The following TAF4B variants were observed in gnomAD, a reference collection of about 807,000 sequenced individuals.
TAF4B encodes TATA-box binding protein associated factor 4b.
Under a neutral mutation model 86.4 loss-of-function variants are expected in TAF4B, and 38 were observed. The ratio of observed to expected loss-of-function variants is 0.44; its 90% confidence interval spans 0.34 to 0.58. TAF4B has a LOEUF of 0.58. Among genes scored for constraint, TAF4B ranks in the 20% least tolerant of loss-of-function variants. TAF4B has a pLI of 0.02. For missense variants in TAF4B, 988 were observed against 1,027.6 expected (o/e 0.96, Z 0.53); for synonymous variants, 388 against 391.2 (o/e 0.99, Z 0.10).
intron 9 of TAF4B, among the ~76,000 whole-genome samples, chr18:26,299,140 C>G (rs1016845378): frequency 3.3e-5 from 5 of 151,864 alleles, no homozygotes; most frequent in African/African-American, 1.2e-4. Flanking sequence ...GGATTACAGG[C>G]GTGAGCCACC....
At chr18:26,383,503 A>G (rs1978303146) in intron 14 of TAF4B, among the ~76,000 whole-genome samples, 2 of 152,230 alleles carry the variant, frequency 1.3e-5, no homozygotes, top group Non-Finnish European at 2.9e-5. Flanking sequence ...TGATAGTTTG[A>G]AACATGTAGA....
intron 13 of TAF4B, among the ~76,000 whole-genome samples, chr18:26,344,800 G>A (rs2057163294): frequency 8.3e-6 from 1 of 120,240 alleles, no homozygotes; most frequent in Non-Finnish European, 1.8e-5. Context: ...TAGAATGTCA[G>A]AGAGAGCGCT....
In TAF4B at chr18:26,337,883, G is replaced by A. The variant is rs1764372114; in HGVS notation, c.2316+2652G>A. On this transcript the variant is annotated intron_variant, in intron 13 of 14. Coordinates refer to ENST00000269142, the MANE Select transcript of TAF4B (RefSeq NM_005640.3). ...TGAGAAGTTTTCTTTGTTCACTCATGAATTTTTTATTTAGCACAGATGCCT... is the reference window on the plus strand; with the variant it reads ...TGAGAAGTTTTCTTTGTTCACTCATAAATTTTTTATTTAGCACAGATGCCT... Among the ~76,000 whole-genome samples the A allele has an allele frequency of 2.6e-5, 4 of 152,262 alleles. No homozygotes were observed. In the South Asian group the frequency reaches 6.2e-4, roughly 24 times the overall value.
At chr18:26,375,934 T>C (rs186006460) in intron 14 of TAF4B, among the ~76,000 whole-genome samples, 176 of 152,258 alleles carry the variant, frequency 1.2e-3, no homozygotes, top group Non-Finnish European at 1.9e-3. Context: ...GCTATCCAGT[T>C]GTCCAGGCAT....
intron 1 of TAF4B, among the ~76,000 whole-genome samples, chr18:26,246,772 A>T (rs1317487458): frequency 6.6e-6 from 1 of 151,990 alleles, no homozygotes; most frequent in Non-Finnish European, 1.5e-5. Flanking sequence ...ACCTCAGGTG[A>T]TCTGCTGGCC....
chr18:26,281,977 A>G lies in TAF4B; in HGVS notation c.889A>G (p.Lys297Glu), dbSNP rs750800396. 1.2e-6 allele frequency: 2 copies of G among 1,612,466 alleles called. No individual in the cohort carries two copies. Among genetic ancestry groups the G allele is most frequent in the South Asian group, 2.2e-5 (2 of 90,800 alleles). ...TATTTCTCCCATCCCTCAGGATGCA[A>G]AAATCGAAGCAGAAGAATTTACTAG... ...KKLVEQLLDA[K>E]IEAEEFTRKL... is the part of the protein sequence containing the mutation. Residue 297 changes from lysine (K) to glutamate (E), a missense_variant, in exon 6 of 15, where the codon AAA (lysine) becomes GAA (glutamate). By Grantham distance (56) the Lys-to-Glu change is moderately conservative. Transcript: ENST00000269142.
chr18:26,260,198 T>A (rs1254407432), intron 1 of TAF4B, among the ~76,000 whole-genome samples: 1 of 152,178 alleles, frequency 6.6e-6, no homozygotes, highest in Non-Finnish European at 1.5e-5. Flanking sequence ...GTCAGATGGG[T>A]AGATTGCAAA....
chr18:26,286,479 G>A lies in TAF4B; in HGVS notation c.1570G>A (p.Ala524Thr). 3 of 1,610,700 alleles carry A rather than the reference G, an allele frequency of 1.9e-6. No homozygotes were observed. The highest frequency in any genetic ancestry group is 1.1e-5 in the South Asian group (1 of 90,196). Residue 524 changes from alanine (A) to threonine (T), a missense_variant, in exon 7 of 15, where the codon GCA (alanine) becomes ACA (threonine). By Grantham distance (58) the Ala-to-Thr change is moderately conservative. Transcript: ENST00000269142. The part of the protein sequence containing the change: ...VLSQPAGIPQ[A>T]VQVKQLVVQQ... Reference sequence around the variant, plus strand: ...TTCACAACCAGCTGGGATTCCACAGGCAGTTCAAGTCAAGCAACTAGTGAG... The same window carrying A: ...TTCACAACCAGCTGGGATTCCACAGACAGTTCAAGTCAAGCAACTAGTGAG...
rs1568125568 is a variant in TAF4B, at chr18:26,281,947, GTTTCTA to G, written c.883-18_883-13del. 5 of 1,542,246 alleles carry G rather than the reference GTTTCTA, an allele frequency of 3.2e-6. No homozygotes were observed. In the Admixed American group the frequency reaches 8.6e-5, roughly 27 times the overall value. The stretch of plus-strand genomic sequence containing the variant: ...TTAAAAGATTTGTAGACTTAAAATT[GTTTCTA>G]TTTCTCCCATCCCTCAGGATGCAAA... On this transcript the variant is annotated intron_variant, in intron 5 of 14. Coordinates refer to ENST00000269142, the MANE Select transcript of TAF4B (RefSeq NM_005640.3).
intron 1 of TAF4B, among the ~76,000 whole-genome samples, chr18:26,246,097 T>G (rs1299501335): frequency 6.6e-6 from 1 of 152,232 alleles, no homozygotes; most frequent in Non-Finnish European, 1.5e-5. Context: ...ATCAACAGTA[T>G]TAATACTTAA....
At chr18:26,325,622 C>T (rs894082138) in intron 11 of TAF4B, among the ~76,000 whole-genome samples, 2 of 152,056 alleles carry the variant, frequency 1.3e-5, no homozygotes, top group African/African-American at 4.8e-5. Flanking sequence ...AAGTCTGTGA[C>T]CCTTTTTAAT....
chr18:26,319,927 A>T (rs1056697497), intron 10 of TAF4B, among the ~76,000 whole-genome samples: 1 of 152,202 alleles, frequency 6.6e-6, no homozygotes, highest in Admixed American at 6.5e-5. Context: ...TTGACTTTGT[A>T]GAATTTTTTT....
chr18:26,305,930 C>T lies in TAF4B; in HGVS notation c.1833-9299C>T, dbSNP rs148677184. Among the ~76,000 whole-genome samples, 1,424 of 152,150 alleles carry T rather than the reference C, an allele frequency of 9.4e-3. 15 individuals carry two copies. Among genetic ancestry groups the T allele is most frequent in the South Asian group, 0.027 (132 of 4,824 alleles). On this transcript the variant is annotated intron_variant, in intron 9 of 14. Transcript: ENST00000269142. The stretch of plus-strand genomic sequence containing the variant: ...ATTGGCTTAAAGAATTTTCTTTTTA[C>T]GATATAGAAGATTCCCATCTGAAAC...
chr18:26,370,737 T>A (rs2057400769), intron 14 of TAF4B, among the ~76,000 whole-genome samples: 1 of 152,120 alleles, frequency 6.6e-6, no homozygotes, highest in Non-Finnish European at 1.5e-5. Flanking sequence ...TAAAGTTGGA[T>A]CAGGCTGAAG....
chr18:26,311,129 CA>C (rs1250666621), intron 9 of TAF4B, among the ~76,000 whole-genome samples: 1 of 151,868 alleles, frequency 6.6e-6, no homozygotes, highest in African/African-American at 2.4e-5. Context: ...TTAATATGAT[CA>C]ATAAAATTAG....
At position 26,357,789 on chromosome 18, in the gene TAF4B, A is replaced by G; in HGVS notation, c.2416A>G (p.Ile806Val). The G allele has an allele frequency of 6.3e-7, 1 of 1,594,626 alleles. No individual in the cohort carries two copies. The highest frequency in any genetic ancestry group is 8.6e-7 in the Non-Finnish European group (1 of 1,167,250). Residue 806 changes from isoleucine (I) to valine (V), a missense_variant, in exon 14 of 15, where the codon ATT (isoleucine) becomes GTT (valine). By Grantham distance (29) the Ile-to-Val change is conservative. Coordinates refer to ENST00000269142, the MANE Select transcript of TAF4B (RefSeq NM_005640.3). ...GAAGAAGAGACCACTAGAATCTGGA[A>G]TTGAGGTATTGAAATAATATTCATT... ...PRKKRPLESGIEGLKDNLLAS... is the reference protein window; with the variant it reads ...PRKKRPLESGVEGLKDNLLAS...
At chr18:26,383,719 T>C (rs1325316840) in intron 14 of TAF4B, among the ~76,000 whole-genome samples, 1 of 152,212 alleles carries the variant, frequency 6.6e-6, no homozygotes, top group African/African-American at 2.4e-5. Flanking sequence ...CAGTGTTTTC[T>C]TCTGTAAAGT....
chr18:26,247,925 G>T (rs558606305), intron 1 of TAF4B, among the ~76,000 whole-genome samples: 1 of 149,228 alleles, frequency 6.7e-6, no homozygotes, highest in African/African-American at 2.5e-5. Context: ...ACCCAGGCTG[G>T]AATGCATTAG....
intron 5 of TAF4B, among the ~76,000 whole-genome samples, chr18:26,276,170 T>C (rs1275744960): frequency 6.6e-6 from 1 of 152,158 alleles, no homozygotes. Flanking sequence ...GGCCTCACTT[T>C]CCTTATCTAT....
Sources: gnomAD v4.1 joint callset for allele counts (sites outside exome capture counted in the v4.1 genomes callset) on GRCh38, gnomAD v4.1.1 for gene constraint, MANE v1.5 for transcripts, NCBI Gene and HGNC (gene_info 2026-07-23, HGNC 2026-07-21) for gene names.